UQCC2: variants seen among roughly 807,000 people sequenced by gnomAD.
UQCC2 encodes ubiquinol-cytochrome c reductase complex assembly factor 2, also known as breast cancer-associated protein SGA-81M.
In UQCC2, 21 loss-of-function variants were observed where a neutral mutation model predicts 19.9. That is an observed-to-expected ratio of 1.05 (90% CI 0.75 to 1.52). The LOEUF is 1.52. UQCC2 is among the 40% of genes most tolerant of loss of function. UQCC2 has a pLI of 0.00. For synonymous variants in UQCC2, 57 were observed against 60.9 expected (o/e 0.94, Z 0.30); for missense variants, 135 against 157.5 (o/e 0.86, Z 0.76).
Position 33,697,637 on chromosome 6 carries a change from G to A in UQCC2, c.*16C>T, listed in dbSNP as rs115920642. The A allele has an allele frequency of 6.3e-4, 993 of 1,586,150 alleles. 6 individuals carry two copies. The African/African-American group carries it at 0.012, about 20-fold the overall frequency. The stretch of plus-strand genomic sequence containing the variant: ...AGACTCCACACCTAGGTATGTGCAC[G>A]AGGTAAGGCCTGAGCTCAGGCCTTA... On this transcript the variant is annotated 3_prime_UTR_variant, in exon 4 of 4. Coordinates refer to ENST00000607484, the MANE Select transcript of UQCC2 (RefSeq NM_032340.4).
chr6:33,711,114 T>C (rs1402203241), intron 1 of UQCC2, among the ~76,000 whole-genome samples: 3 of 152,154 alleles, frequency 2.0e-5, no homozygotes, highest in African/African-American at 7.2e-5. Flanking sequence ...GCACCTTGAA[T>C]CACCTGGAGA....
chr6:33,705,033 C>CTTTT (rs544104803), intron 1 of UQCC2, among the ~76,000 whole-genome samples: 10 of 131,300 alleles, frequency 7.6e-5, no homozygotes, highest in African/African-American at 2.8e-4. Flanking sequence ...ACTCTCACTT[C>CTTTT]TTTTTTTTTT....
chr6:33,704,412 T>G (rs1194967591), intron 1 of UQCC2, among the ~76,000 whole-genome samples: 1 of 152,136 alleles, frequency 6.6e-6, no homozygotes, highest in African/African-American at 2.4e-5. Flanking sequence ...ATGTTACCAG[T>G]GGATCAGCAT....
rs567019789 is a variant in UQCC2 at position 33,711,406 on chromosome 6, T to A, written c.138+143A>T. 1.2e-4 allele frequency: 155 copies of A among 1,243,874 alleles called. 1 individual carries two copies. In the South Asian group the frequency reaches 2.3e-3, roughly 19 times the overall value. The allele number at this position is 1,243,874 out of a possible 1,614,324, so 77.1% of individuals were successfully genotyped here. On this transcript the variant is annotated intron_variant, in intron 1 of 3. Coordinates refer to ENST00000607484, the MANE Select transcript of UQCC2 (RefSeq NM_032340.4). ...ACGGGCGTCGCTATCAGTAGCTCCC[T>A]GGGGGAAAAAGGGGGTCCGCGCTCA...
chr6:33,709,862 T>C (rs986902225), intron 1 of UQCC2, among the ~76,000 whole-genome samples: 3 of 152,182 alleles, frequency 2.0e-5, no homozygotes, highest in Non-Finnish European at 4.4e-5. Flanking sequence ...CATTATCTCA[T>C]TTCATTTCTG....
intron 1 of UQCC2, among the ~76,000 whole-genome samples, chr6:33,710,785 G>A (rs1765759539): frequency 6.6e-6 from 1 of 152,184 alleles, no homozygotes; most frequent in Non-Finnish European, 1.5e-5. Context: ...ACCGTTCCAG[G>A]CATATGGTAG....
At chr6:33,707,928 C>T (rs541772821) in intron 1 of UQCC2, among the ~76,000 whole-genome samples, 19 of 152,298 alleles carry the variant, frequency 1.2e-4, no homozygotes, top group African/African-American at 1.9e-4. Flanking sequence ...CATGTGTTCC[C>T]GCTCCCACCA....
chr6:33,704,974 G>A (rs1473296548), intron 1 of UQCC2, among the ~76,000 whole-genome samples: 1 of 151,878 alleles, frequency 6.6e-6, no homozygotes, highest in Non-Finnish European at 1.5e-5. Flanking sequence ...GCTCCTATAA[G>A]AGCAAAATGT....
intron 1 of UQCC2, among the ~76,000 whole-genome samples, chr6:33,710,721 G>A (rs1409650625): frequency 6.6e-6 from 1 of 152,212 alleles, no homozygotes; most frequent in Non-Finnish European, 1.5e-5. Context: ...GAACTACAAT[G>A]TAAAACTTCA....
At chr6:33,699,247 A>C (rs560707747) in intron 3 of UQCC2, among the ~76,000 whole-genome samples, 1 of 152,352 alleles carries the variant, frequency 6.6e-6, no homozygotes, top group South Asian at 2.1e-4. Context: ...CAAAAATATG[A>C]GGCTTGCTGT....
intron 1 of UQCC2, among the ~76,000 whole-genome samples, chr6:33,702,593 G>A (rs7739505): frequency 0.42 from 63,476 of 152,094 alleles, 15,702 homozygotes; most frequent in East Asian, 0.86. Flanking sequence ...CCTTCTCAGG[G>A]AGACAGGCAG....
intron 3 of UQCC2, among the ~76,000 whole-genome samples, chr6:33,699,967 G>A (rs560648545): frequency 1.5e-4 from 23 of 152,278 alleles, no homozygotes; most frequent in South Asian, 1.2e-3. Context: ...GATAATCAGA[G>A]TCTATCAATG....
intron 2 of UQCC2, 134 bp downstream of exon 2, chr6:33,701,212 G>T: frequency 2.2e-6 from 2 of 913,150 alleles, no homozygotes; most frequent in East Asian, 2.7e-5. Context: ...CTGTTGGCTT[G>T]GTTGAAATTA....
Position 33,711,573 on chromosome 6 carries a change from G to A in UQCC2, c.114C>T (p.Ala38=), listed in dbSNP as rs1397491288. The change falls in exon 1 of 4, where the codon GCC becomes GCT. Residue 38 remains alanine, a synonymous_variant. Transcript: ENST00000607484. The part of the protein sequence containing the change: ...GAYLRQRVAQ[A]FREGENTQVA... ...CCTGGGTATTCTCTCCCTCCCGAAA[G>A]GCCTGTGCTACCCGCTGTCGCAGGT... is the stretch of plus-strand genomic sequence containing the variant. 6.8e-6 allele frequency: 11 copies of A among 1,612,682 alleles called. No individual in the cohort carries two copies. The highest frequency in any genetic ancestry group is 5.5e-5 in the South Asian group (5 of 90,942).
At chr6:33,704,302 T>C (rs1194868013) in intron 1 of UQCC2, among the ~76,000 whole-genome samples, 1 of 152,166 alleles carries the variant, frequency 6.6e-6, no homozygotes, top group Non-Finnish European at 1.5e-5. Context: ...CAGGAAGTGC[T>C]GGACAATGAG....
intron 1 of UQCC2, among the ~76,000 whole-genome samples, chr6:33,711,150 C>T (rs1765763984): frequency 6.6e-6 from 1 of 152,088 alleles, no homozygotes; most frequent in Non-Finnish European, 1.5e-5. Context: ...AGGTCAAGAC[C>T]CCACCCCTAG....
chr6:33,701,358 GTAGTTTGAA>G lies in UQCC2; in HGVS notation c.192_200del (p.Ser65_Tyr67del). 6.2e-7 allele frequency: 1 copy of G among 1,613,290 alleles called. No homozygotes were observed. Among genetic ancestry groups the G allele is most frequent in the Non-Finnish European group, 8.5e-7 (1 of 1,179,668 alleles). ...GTGGCCCACTCACCTTGTGTTTGTA[GTAGTTTGAA>G]TGGAGTCGCGCTAAGCTCTCGTACA... On this transcript the variant is annotated inframe_deletion, in exon 2 of 4. Coordinates refer to ENST00000607484, the MANE Select transcript of UQCC2 (RefSeq NM_032340.4).
intron 1 of UQCC2, among the ~76,000 whole-genome samples, chr6:33,705,113 G>A: frequency 6.6e-6 from 1 of 150,632 alleles, no homozygotes; most frequent in Non-Finnish European, 1.5e-5. Context: ...CTCACTGCAA[G>A]CTCCGCCTCC....
Position 33,699,077 on chromosome 6 carries a change from T to C in UQCC2, c.284-1327A>G, listed in dbSNP as rs187607158. On this transcript the variant is annotated intron_variant, in intron 3 of 3. Coordinates refer to ENST00000607484, the MANE Select transcript of UQCC2 (RefSeq NM_032340.4). The stretch of plus-strand genomic sequence containing the variant: ...GGACACTGAGGCCTCCCTTAGGCGC[T>C]TTCCATGACCCCAATCCCAGGGTGG... 4.0e-3 allele frequency among the ~76,000 whole-genome samples: 608 copies of C among 152,250 alleles called. 6 individuals are homozygous for C. Among genetic ancestry groups the C allele is most frequent in the African/African-American group, 0.013 (536 of 41,538 alleles).
Sources: gnomAD v4.1 joint callset for allele counts (sites outside exome capture counted in the v4.1 genomes callset) on GRCh38, gnomAD v4.1.1 for gene constraint, MANE v1.5 for transcripts, NCBI Gene and HGNC (gene_info 2026-07-23, HGNC 2026-07-21) for gene names.